ANKHD1: variants seen among roughly 807,000 people sequenced by gnomAD.
The protein encoded by ANKHD1 is ankyrin repeat and KH domain-containing protein 1.
ANKHD1 carries 31 observed loss-of-function variants against 230.5 expected under a neutral mutation model. The ratio of observed to expected loss-of-function variants is 0.13; its 90% CI spans 0.10 to 0.18. The LOEUF (loss-of-function observed/expected upper bound fraction) is 0.18. Ranked by LOEUF, ANKHD1 falls within the 10% of genes least tolerant of loss-of-function variation. The probability of loss-of-function intolerance (pLI) is 1.00; values close to 1 mark genes in which losing one functional copy is unlikely to be tolerated. For missense variants in ANKHD1, 2,256 were observed against 3,071.3 expected (o/e 0.73, Z 6.27); for synonymous variants, 1,074 against 1,117.6 (o/e 0.96, Z 0.78).
intron 10 of ANKHD1, among the ~76,000 whole-genome samples, chr5:140,467,085 AGTT>A (rs1422617075): frequency 6.6e-6 from 1 of 152,170 alleles, no homozygotes; most frequent in Non-Finnish European, 1.5e-5. Flanking sequence ...TATATAATAC[AGTT>A]GTTTTCTATT....
At chr5:140,475,580 A>AAG (rs1750919034) in intron 10 of ANKHD1, among the ~76,000 whole-genome samples, 1 of 151,980 alleles carries the variant, frequency 6.6e-6, no homozygotes, top group Non-Finnish European at 1.5e-5. Context: ...ACTAAAAAAA[A>AAG]GGGGGGAAAA....
intron 20 of ANKHD1, 44 bp downstream of exon 20, chr5:140,508,042 A>G (rs780626543): frequency 6.3e-7 from 1 of 1,576,202 alleles, no homozygotes; most frequent in South Asian, 1.2e-5. Flanking sequence ...ACATTTCTGT[A>G]GAAAGAACAT....
At chr5:140,512,002 G>A (rs190527414) in intron 22 of ANKHD1, among the ~76,000 whole-genome samples, 2 of 152,114 alleles carry the variant, frequency 1.3e-5, no homozygotes, top group African/African-American at 4.8e-5. Context: ...TTGGGAGGCC[G>A]AGTCAGGTGG....
rs533820424 is a variant in ANKHD1 at position 140,528,730 on chromosome 5, A to G, written c.5784A>G (p.Leu1928=). 2 of 1,614,192 alleles carry G rather than the reference A, an allele frequency of 1.2e-6. No individual in the cohort carries two copies. Among genetic ancestry groups the G allele is most frequent in the South Asian group, 1.1e-5 (1 of 91,086 alleles). The change falls in exon 29 of 34, where the codon CTA becomes CTG. Residue 1928 remains leucine (L), a synonymous_variant. Transcript: ENST00000360839. ...GTVLPSESAG[L]ATASCPITVS... ...TTTTACCCTCAGAGTCTGCTGGACT[A>G]GCTACTGCCAGTTGTCCTATCACTG...
chr5:140,456,272 A>T (rs1775181830), intron 7 of ANKHD1, among the ~76,000 whole-genome samples: 1 of 152,242 alleles, frequency 6.6e-6, no homozygotes, highest in Non-Finnish European at 1.5e-5. Flanking sequence ...TATCGTGAAA[A>T]TGGCCATACT....
intron 1 of ANKHD1, among the ~76,000 whole-genome samples, chr5:140,404,438 T>G (rs1194049931): frequency 2.0e-5 from 3 of 151,740 alleles, no homozygotes; most frequent in Admixed American, 2.0e-4. Context: ...TTTTGTTTTT[T>G]TTGTTTTTTT....
chr5:140,498,556 A>T (rs1217408775), intron 15 of ANKHD1, among the ~76,000 whole-genome samples: 1 of 152,156 alleles, frequency 6.6e-6, no homozygotes, highest in South Asian at 2.1e-4. Flanking sequence ...TTTGTTCTTT[A>T]ATTTGGGTTT....
intron 4 of ANKHD1, among the ~76,000 whole-genome samples, 182 bp downstream of exon 4, chr5:140,440,448 A>G (rs751755727): frequency 1.3e-5 from 2 of 152,220 alleles, no homozygotes; most frequent in African/African-American, 2.4e-5. Flanking sequence ...TTGCCGGTAC[A>G]TGTAACTGAG....
chr5:140,431,926 A>G (rs1318206348), intron 1 of ANKHD1, among the ~76,000 whole-genome samples: 1 of 152,164 alleles, frequency 6.6e-6, no homozygotes, highest in Non-Finnish European at 1.5e-5. Flanking sequence ...ATTGACACCC[A>G]GGAAGTCACT....
intron 10 of ANKHD1, among the ~76,000 whole-genome samples, chr5:140,469,528 A>C (rs889529408): frequency 1.3e-5 from 2 of 151,960 alleles, no homozygotes; most frequent in Non-Finnish European, 2.9e-5. Context: ...AACAAACAAA[A>C]AAAACTTACT....
intron 14 of ANKHD1, among the ~76,000 whole-genome samples, chr5:140,493,206 C>T (rs1184241710): frequency 6.6e-6 from 1 of 152,176 alleles, no homozygotes; most frequent in Non-Finnish European, 1.5e-5. Flanking sequence ...GGATTACAAG[C>T]ATGCGCCACC....
At chr5:140,517,215 G>A (rs1753064722) in intron 24 of ANKHD1, among the ~76,000 whole-genome samples, 1 of 141,608 alleles carries the variant, frequency 7.1e-6, no homozygotes, top group Admixed American at 7.2e-5. Flanking sequence ...AATGGTAAAG[G>A]GATCAATTCA....
chr5:140,423,672 C>T (rs1772170085), intron 1 of ANKHD1, among the ~76,000 whole-genome samples: 1 of 152,098 alleles, frequency 6.6e-6, no homozygotes, highest in Non-Finnish European at 1.5e-5. Context: ...AGAGACCTTC[C>T]AACTATTAAT....
intron 14 of ANKHD1, among the ~76,000 whole-genome samples, chr5:140,493,215 C>T (rs2127031202): frequency 6.6e-6 from 1 of 152,286 alleles, no homozygotes; most frequent in African/African-American, 2.4e-5. Context: ...GCATGCGCCA[C>T]CACACCGGGC....
At chr5:140,443,396 T>C (rs1284482569) in intron 5 of ANKHD1, among the ~76,000 whole-genome samples, 1 of 151,454 alleles carries the variant, frequency 6.6e-6, no homozygotes, top group Non-Finnish European at 1.5e-5. Flanking sequence ...CTTTGAAAAA[T>C]ACCCAAAAAA....
intron 14 of ANKHD1, among the ~76,000 whole-genome samples, chr5:140,489,823 A>G (rs1312875051): frequency 6.6e-6 from 1 of 152,208 alleles, no homozygotes. Flanking sequence ...GGCACTTGCT[A>G]CTGCTATCAA....
intron 7 of ANKHD1, among the ~76,000 whole-genome samples, chr5:140,456,359 A>G (rs903108889): frequency 2.0e-5 from 3 of 152,228 alleles, no homozygotes; most frequent in African/African-American, 4.8e-5. Flanking sequence ...GGAAAAAACT[A>G]CTTTAAAGTT....
chr5:140,402,664 CTCT>C (rs1770060385), intron 1 of ANKHD1, among the ~76,000 whole-genome samples: 1 of 152,208 alleles, frequency 6.6e-6, no homozygotes, highest in Admixed American at 6.5e-5. Context: ...AAGATCGTTT[CTCT>C]TCTTTGCCTC....
chr5:140,408,647 A>G (rs1476662010), intron 1 of ANKHD1, among the ~76,000 whole-genome samples: 1 of 152,090 alleles, frequency 6.6e-6, no homozygotes, highest in Non-Finnish European at 1.5e-5. Flanking sequence ...ATCCTTTAAG[A>G]TTGTTTATGA....
Sources: gnomAD v4.1 joint callset for allele counts (sites outside exome capture counted in the v4.1 genomes callset) on GRCh38, gnomAD v4.1.1 for gene constraint, MANE v1.5 for transcripts, NCBI Gene and HGNC (gene_info 2026-07-23, HGNC 2026-07-21) for gene names.